NTN4: variants seen among roughly 807,000 people sequenced by gnomAD.
NTN4 encodes netrin-4.
A neutral mutation model predicts 73.6 loss-of-function variants in NTN4; 32 were observed. The observed-to-expected ratio is 0.44, with a 90% confidence interval of 0.33 to 0.58. NTN4 has a LOEUF of 0.58. Among genes scored for constraint, NTN4 ranks in the 20% least tolerant of loss-of-function variants. The pLI, the probability that NTN4 is intolerant of heterozygous loss-of-function variation, is 0.04. For synonymous variants in NTN4, 258 were observed against 287.5 expected (o/e 0.90, Z 1.04); for missense variants, 654 against 798.3 (o/e 0.82, Z 2.18).
chr12:95,785,834 T>C (rs140422212), intron 2 of NTN4, among the ~76,000 whole-genome samples: 6 of 152,330 alleles, frequency 3.9e-5, no homozygotes, highest in African/African-American at 1.4e-4. Context: ...ATCCATGTAT[T>C]GGATATATGC....
intron 2 of NTN4, among the ~76,000 whole-genome samples, chr12:95,767,321 G>A (rs1395527256): frequency 1.3e-5 from 2 of 152,104 alleles, no homozygotes; most frequent in African/African-American, 4.8e-5. Flanking sequence ...CTTAAAGACA[G>A]GAATATACTA....
intron 2 of NTN4, among the ~76,000 whole-genome samples, chr12:95,739,739 C>T (rs2078809272): frequency 6.6e-6 from 1 of 152,228 alleles, no homozygotes; most frequent in Admixed American, 6.5e-5. Flanking sequence ...AAGAGCTCCA[C>T]TGAAAAGTCT....
At position 95,665,851 on chromosome 12, in the gene NTN4, G is replaced by A; in HGVS notation, c.1709C>T (p.Ser570Leu). The change falls in exon 9 of 10, where the codon TCA becomes TTA. Residue 570 changes from serine to leucine, a missense_variant. By Grantham distance (145) the Ser-to-Leu change is moderately radical. Transcript: ENST00000343702. ...ACAAGTGCATCCTCTGTCCGTCCAT[G>A]ATTCTGGATATAATGTTCGCTTTCC... ...FRGKRTLYPE[S>L]WTDRGCTCPI... 1 of 1,613,976 alleles carries A rather than the reference G, an allele frequency of 6.2e-7. No individual in the cohort carries two copies. Among genetic ancestry groups the A allele is most frequent in the Non-Finnish European group, 8.5e-7 (1 of 1,179,912 alleles).
rs115980545 is a variant in NTN4, at chr12:95,709,255, C to T, written c.1180+1186G>A. Among the ~76,000 whole-genome samples, 1,081 of 152,132 alleles carry T rather than the reference C, an allele frequency of 7.1e-3. 16 individuals carry two copies. The highest frequency in any genetic ancestry group is 0.024 in the African/African-American group (1,010 of 41,506). ...TGTTTTTGAGCTAGAACATGGAGTCCTTGGTAGGGAAAGGAAGGGCATGAT... is the reference window on the plus strand; with the variant it reads ...TGTTTTTGAGCTAGAACATGGAGTCTTTGGTAGGGAAAGGAAGGGCATGAT... On this transcript the variant is annotated intron_variant, in intron 5 of 9. Coordinates refer to ENST00000343702, the MANE Select transcript of NTN4 (RefSeq NM_021229.4).
chr12:95,699,950 T>A (rs955435797), intron 5 of NTN4, among the ~76,000 whole-genome samples: 11 of 152,160 alleles, frequency 7.2e-5, no homozygotes, highest in African/African-American at 2.4e-4. Flanking sequence ...TTAAAATATG[T>A]GTCTTGGCAT....
intron 5 of NTN4, among the ~76,000 whole-genome samples, chr12:95,706,022 CT>C (rs2078519771): frequency 6.6e-6 from 1 of 152,186 alleles, no homozygotes; most frequent in African/African-American, 2.4e-5. Flanking sequence ...TTAATTTTAG[CT>C]GCATTCTCAC....
intron 5 of NTN4, among the ~76,000 whole-genome samples, chr12:95,699,854 GT>G (rs1001601830): frequency 1.3e-5 from 2 of 152,044 alleles, no homozygotes; most frequent in African/African-American, 2.4e-5. Flanking sequence ...CTTTCAAGAG[GT>G]TGTTTACTTT....
chr12:95,773,088 C>A (rs1321363358), intron 2 of NTN4, among the ~76,000 whole-genome samples: 1 of 151,942 alleles, frequency 6.6e-6, no homozygotes, highest in South Asian at 2.1e-4. Context: ...CTGCAACCTC[C>A]GCCCTCCGGG....
intron 5 of NTN4, among the ~76,000 whole-genome samples, chr12:95,694,993 C>T (rs995002103): frequency 6.6e-5 from 10 of 151,806 alleles, no homozygotes; most frequent in African/African-American, 1.2e-4. Context: ...CTGGGTGTGG[C>T]GGTGCAAACC....
intron 7 of NTN4, among the ~76,000 whole-genome samples, chr12:95,681,281 T>C (rs1466230505): frequency 6.6e-6 from 1 of 151,668 alleles, no homozygotes; most frequent in African/African-American, 2.4e-5. Flanking sequence ...TGGAAGTGGA[T>C]GATCAACACC....
chr12:95,670,784 G>A (rs943613623), intron 7 of NTN4, among the ~76,000 whole-genome samples: 2 of 149,546 alleles, frequency 1.3e-5, no homozygotes, highest in Non-Finnish European at 3.0e-5. Context: ...CATGTGTCTG[G>A]GAAGATGGGA....
intron 2 of NTN4, among the ~76,000 whole-genome samples, chr12:95,754,792 T>G (rs891214689): frequency 1.6e-4 from 24 of 152,104 alleles, no homozygotes; most frequent in Non-Finnish European, 3.1e-4. Flanking sequence ...TCACTGACTC[T>G]CTTTTCGGAC....
chr12:95,728,634 T>C lies in NTN4; in HGVS notation c.864+9232A>G, dbSNP rs370157967. ...CTCTTTAATTTTAATGGCTACTAGG[T>C]TCTTATCTGGGAAACAATAAAATCA... On this transcript the variant is annotated intron_variant, in intron 3 of 9. Coordinates refer to ENST00000343702, the MANE Select transcript of NTN4 (RefSeq NM_021229.4). Among the ~76,000 whole-genome samples, 375 of 152,318 alleles carry C rather than the reference T, an allele frequency of 2.5e-3. 4 individuals are homozygous for C. Among genetic ancestry groups the C allele is most frequent in the African/African-American group, 8.7e-3 (360 of 41,564 alleles).
chr12:95,789,564 T>A lies in NTN4; in HGVS notation c.55+691A>T, dbSNP rs1386021824. Among the ~76,000 whole-genome samples, 1 of 152,082 alleles carries A rather than the reference T, an allele frequency of 6.6e-6. No homozygotes were observed. The highest frequency in any genetic ancestry group is 2.4e-5 in the African/African-American group (1 of 41,398). ...GGATGGGAGTGGGAGGGAGAGGGCA[T>A]CTGCCGACGCCGACGCCGGTTGTCC... is the stretch of plus-strand genomic sequence containing the variant. On this transcript the variant is annotated intron_variant, in intron 1 of 9. Coordinates refer to ENST00000343702, the MANE Select transcript of NTN4 (RefSeq NM_021229.4). The surrounding 1 kb of genome is among the most constrained non-coding windows in gnomAD (Gnocchi z 4.0).
chr12:95,780,525 A>G (rs2079124514), intron 2 of NTN4, among the ~76,000 whole-genome samples: 1 of 152,252 alleles, frequency 6.6e-6, no homozygotes, highest in African/African-American at 2.4e-5. Context: ...GAAGACATTT[A>G]TGCAGCCAAA....
intron 3 of NTN4, among the ~76,000 whole-genome samples, chr12:95,727,684 C>T (rs561583286): frequency 6.6e-6 from 1 of 152,286 alleles, no homozygotes; most frequent in East Asian, 1.9e-4. Flanking sequence ...CAGTACCACA[C>T]TGTTTTAATT....
chr12:95,709,954 G>A lies in NTN4; in HGVS notation c.1180+487C>T, dbSNP rs533849375. Among the ~76,000 whole-genome samples, 69 of 152,178 alleles carry A rather than the reference G, an allele frequency of 4.5e-4. 1 individual carries two copies. The highest frequency in any genetic ancestry group is 2.3e-3 in the Admixed American group (35 of 15,272). On this transcript the variant is annotated intron_variant, in intron 5 of 9. Coordinates refer to ENST00000343702, the MANE Select transcript of NTN4 (RefSeq NM_021229.4). ...TTTCCTAAATTAGTTATGATAGTGAGGATACATTAGAGCAGTGTCAATCAA... is the reference window on the plus strand; with the variant it reads ...TTTCCTAAATTAGTTATGATAGTGAAGATACATTAGAGCAGTGTCAATCAA...
intron 2 of NTN4, among the ~76,000 whole-genome samples, chr12:95,741,428 TA>T (rs1399787752): frequency 4.5e-3 from 19 of 4,234 alleles, no homozygotes; most frequent in East Asian, 0.026. Flanking sequence ...ATGTATAAAT[TA>T]TATATATATA....
chr12:95,790,422 T>C lies in NTN4; in HGVS notation c.-113A>G. On this transcript the variant is annotated 5_prime_UTR_variant, in exon 1 of 10. Transcript: ENST00000343702. This position sits in a 1 kb window ranked among gnomAD's most constrained non-coding sequence, Gnocchi z 6.5. ...CGGGAGGGAACGGGGCCCTGGTTTC[T>C]TCCTCCTCCTGGGGCGCCGGGCTCG... The C allele has an allele frequency of 1.1e-6, 1 of 897,106 alleles. No homozygotes were observed. Among genetic ancestry groups the C allele is most frequent in the Non-Finnish European group, 1.6e-6 (1 of 638,132 alleles). 55.6% of individuals were successfully genotyped at this position (897,106 alleles called of 1,614,324 possible).
Sources: gnomAD v4.1 joint callset for allele counts (sites outside exome capture counted in the v4.1 genomes callset) on GRCh38, gnomAD v4.1.1 for gene constraint, Gnocchi (gnomAD v3.1) non-coding constraint, MANE v1.5 for transcripts, NCBI Gene and HGNC (gene_info 2026-07-23, HGNC 2026-07-21) for gene names.